Variants in CSMD1 observed in about 807,000 individuals in gnomAD.
CSMD1 encodes CUB and Sushi multiple domains 1.
CSMD1 carries 213 observed loss-of-function variants against 417.5 expected under a neutral mutation model. The ratio of observed to expected loss-of-function variants is 0.51; its 90% CI spans 0.46 to 0.57. The LOEUF is 0.57. Among genes scored for constraint, CSMD1 ranks in the 20% least tolerant of loss-of-function variants. The probability of loss-of-function intolerance (pLI) is 0.00; values close to 1 mark genes in which losing one functional copy is unlikely to be tolerated. For missense variants in CSMD1, 6,923 were observed against 4,529.7 expected, an observed-to-expected ratio of 1.53 and a Z score of -15.17; for synonymous variants, 2,862 against 1,736.8, an observed-to-expected ratio of 1.65 and a Z score of -16.11.
chr8:4,358,843 T>C (rs1274274565), intron 3 of CSMD1, among the ~76,000 whole-genome samples: 2 of 152,072 alleles, frequency 1.3e-5, no homozygotes, highest in Non-Finnish European at 2.9e-5. Context: ...GTTTCAGTGC[T>C]CAAATAACTT....
rs540263193 is a variant in CSMD1 at position 3,630,847 on chromosome 8, C to T, written c.1010-14050G>A. Among the ~76,000 whole-genome samples the T allele has an allele frequency of 1.5e-3, 233 of 152,236 alleles. 1 individual carries two copies. Among genetic ancestry groups the T allele is most frequent in the Middle Eastern group, 3.4e-3 (1 of 294 alleles). ...ATTGCTGATCTCAGATCCCCACAGG[C>T]AACCAAGAGGAAACCTCAGTTGGTC... On this transcript the variant is annotated intron_variant, in intron 7 of 69. Coordinates refer to ENST00000635120, the MANE Select transcript of CSMD1 (RefSeq NM_033225.6).
At chr8:3,094,260 C>T (rs35090006) in intron 47 of CSMD1, among the ~76,000 whole-genome samples, 20,551 of 152,014 alleles carry the variant, frequency 0.14, 1,783 homozygotes, top group Non-Finnish European at 0.2. Context: ...CGCCTGCCAC[C>T]GCGCCCAGCT....
At chr8:3,592,422 G>A (rs1054398302) in intron 8 of CSMD1, among the ~76,000 whole-genome samples, 4 of 152,066 alleles carry the variant, frequency 2.6e-5, no homozygotes, top group African/African-American at 9.7e-5. Context: ...ATGTTTTTCA[G>A]TCTCAAGCAG....
At chr8:4,524,472 A>G (rs1367896507) in intron 2 of CSMD1, among the ~76,000 whole-genome samples, 2 of 151,860 alleles carry the variant, frequency 1.3e-5, no homozygotes, top group Non-Finnish European at 2.9e-5. Flanking sequence ...CAGCTGAGTG[A>G]GGCCACGTTG....
At chr8:3,805,287 G>C (rs966835041) in intron 5 of CSMD1, among the ~76,000 whole-genome samples, 25 of 152,110 alleles carry the variant, frequency 1.6e-4, no homozygotes, top group African/African-American at 6.0e-4. Flanking sequence ...GCAGAGGAAG[G>C]AGCCACAGAT....
intron 1 of CSMD1, among the ~76,000 whole-genome samples, chr8:4,666,872 ACTC>A (rs1364106645): frequency 6.6e-6 from 1 of 151,754 alleles, no homozygotes; most frequent in East Asian, 1.9e-4. Context: ...GATTTATCAA[ACTC>A]CTATTTTAGT....
chr8:3,859,687 C>T (rs554580306), intron 5 of CSMD1, among the ~76,000 whole-genome samples: 1 of 152,100 alleles, frequency 6.6e-6, no homozygotes, highest in Non-Finnish European at 1.5e-5. Flanking sequence ...ATCAATGAGT[C>T]GTGCCTACAT....
At chr8:4,075,721 G>A (rs534915464) in intron 3 of CSMD1, among the ~76,000 whole-genome samples, 2 of 152,176 alleles carry the variant, frequency 1.3e-5, no homozygotes, top group South Asian at 2.1e-4. Flanking sequence ...ATGTAGAAAC[G>A]GTTTGCATGT....
intron 1 of CSMD1, among the ~76,000 whole-genome samples, chr8:4,990,864 G>C (rs1209457348): frequency 6.6e-6 from 1 of 152,064 alleles, no homozygotes; most frequent in Non-Finnish European, 1.5e-5. Flanking sequence ...GGTATGGGAG[G>C]GCGCACCTCT....
intron 5 of CSMD1, among the ~76,000 whole-genome samples, chr8:3,964,719 T>C (rs1354827307): frequency 5.3e-5 from 8 of 152,336 alleles, no homozygotes; most frequent in Middle Eastern, 3.4e-3. Context: ...TCAAAATCCA[T>C]TGCAATGTAC....
In CSMD1 at chr8:3,465,476, C is replaced by A. The variant is rs571309291; in HGVS notation, c.1561+3236G>T. On this transcript the variant is annotated intron_variant, in intron 12 of 69. Transcript: ENST00000635120. ...TCCTGGTCCACGTGTCCTGAGGCAGCCCCCTCACCATTACTGTGTGTGCTG... is the reference window on the plus strand; with the variant it reads ...TCCTGGTCCACGTGTCCTGAGGCAGACCCCTCACCATTACTGTGTGTGCTG... Among the ~76,000 whole-genome samples the A allele has an allele frequency of 4.6e-5, 7 of 152,232 alleles. No individual in the cohort carries two copies. In the South Asian group the frequency reaches 1.5e-3, roughly 32 times the overall value.
chr8:3,500,307 C>T (rs10107620), intron 10 of CSMD1, among the ~76,000 whole-genome samples: 9,532 of 152,104 alleles, frequency 0.063, 327 homozygotes, highest in Middle Eastern at 0.092. Flanking sequence ...CTAGACATCT[C>T]GATGTCTGCT....
At chr8:4,699,150 A>T (rs1807343786) in intron 1 of CSMD1, among the ~76,000 whole-genome samples, 1 of 152,192 alleles carries the variant, frequency 6.6e-6, no homozygotes, top group African/African-American at 2.4e-5. Flanking sequence ...GATTTGGAAC[A>T]ATTAATTCCG....
intron 26 of CSMD1, among the ~76,000 whole-genome samples, chr8:3,247,824 C>A (rs1361783614): frequency 2.0e-5 from 3 of 152,218 alleles, no homozygotes; most frequent in East Asian, 3.8e-4. Flanking sequence ...AACCTCCAAT[C>A]TACTGTACAA....
chr8:3,683,226 T>A (rs571448126), intron 7 of CSMD1, among the ~76,000 whole-genome samples: 56 of 151,222 alleles, frequency 3.7e-4, no homozygotes, highest in African/African-American at 1.3e-3. Context: ...AATTAAAAAA[T>A]AAAATAATAA....
intron 7 of CSMD1, among the ~76,000 whole-genome samples, chr8:3,644,966 G>GAAAAATAAAAA (rs1797501761): frequency 3.1e-5 from 2 of 64,482 alleles, no homozygotes; most frequent in Non-Finnish European, 5.3e-5. Flanking sequence ...GGCTTTAAAT[G>GAAAAATAAAAA]AAAAAAAAAA....
chr8:4,086,642 A>G (rs1189094130), intron 3 of CSMD1, among the ~76,000 whole-genome samples: 1 of 152,194 alleles, frequency 6.6e-6, no homozygotes, highest in African/African-American at 2.4e-5. Context: ...TTAATGCACC[A>G]AGCGATTTCA....
At chr8:3,905,679 C>T (rs896500744) in intron 5 of CSMD1, among the ~76,000 whole-genome samples, 3 of 152,176 alleles carry the variant, frequency 2.0e-5, no homozygotes, top group African/African-American at 4.8e-5. Flanking sequence ...AGGAACCACT[C>T]TTTGAGAACC....
chr8:3,425,582 G>A (rs1436385336), intron 12 of CSMD1, among the ~76,000 whole-genome samples: 2 of 116,024 alleles, frequency 1.7e-5, no homozygotes, highest in African/African-American at 3.3e-5. Flanking sequence ...AGCAAGATTC[G>A]GTCTCAAAAA....
Sources: allele counts gnomAD v4.1 joint callset (sites outside exome capture counted in the v4.1 genomes callset), GRCh38; gene constraint gnomAD v4.1.1; transcripts MANE v1.5; gene names NCBI Gene and HGNC (gene_info 2026-07-23, HGNC 2026-07-21).